Variants in PLD1 observed in about 807,000 individuals in gnomAD.
The protein encoded by PLD1 is phospholipase D1.
PLD1 carries 112 observed loss-of-function variants against 137.1 expected under a neutral mutation model. The ratio of observed to expected loss-of-function variants is 0.82; its 90% CI spans 0.70 to 0.96. The LOEUF is 0.96. Among genes scored for constraint, PLD1 ranks in the 40% least tolerant of loss-of-function variants. The pLI is 0.00. For missense variants in PLD1, 1,321 were observed against 1,342.0 expected, an observed-to-expected ratio of 0.98 and a Z score of 0.24; for synonymous variants, 431 against 454.7, an observed-to-expected ratio of 0.95 and a Z score of 0.66.
chr3:171,678,063 CA>C (rs1305378805), intron 16 of PLD1, among the ~76,000 whole-genome samples: 2 of 150,906 alleles, frequency 1.3e-5, no homozygotes, highest in African/African-American at 4.9e-5. Flanking sequence ...GGGGGGCTTT[CA>C]GGGGCAGAGT....
chr3:171,652,766 A>ATTTTTTTTTTTTT (rs1174564536), intron 21 of PLD1, among the ~76,000 whole-genome samples: 2 of 75,618 alleles, frequency 2.6e-5, no homozygotes, highest in Non-Finnish European at 2.4e-5. Context: ...ACACTCAGCT[A>ATTTTTTTTTTTTT]TTTTTTTTTT....
chr3:171,621,373 T>C lies in PLD1; in HGVS notation c.2594-853A>G, dbSNP rs2108297339. On this transcript the variant is annotated intron_variant, in intron 23 of 26. Coordinates refer to ENST00000351298, the MANE Select transcript of PLD1 (RefSeq NM_002662.5). ...AAGCAAGTCTGATACCAAGAATAAA[T>C]GGAGTGGAACCAAACTATCACAAAT... is the stretch of plus-strand genomic sequence containing the variant. Among the ~76,000 whole-genome samples, 4 of 152,252 alleles carry C rather than the reference T, an allele frequency of 2.6e-5. No individual in the cohort carries two copies. In the Middle Eastern group the frequency reaches 0.01, roughly 388 times the overall value.
intron 6 of PLD1, among the ~76,000 whole-genome samples, chr3:171,732,320 T>G (rs1173894346): frequency 6.6e-6 from 1 of 152,128 alleles, no homozygotes; most frequent in Non-Finnish European, 1.5e-5. Flanking sequence ...CAAATTCCTG[T>G]TTTCCTGAGA....
chr3:171,654,300 C>CAAAAAA (rs35731319), intron 21 of PLD1: 3 of 114,134 alleles, frequency 2.6e-5, no homozygotes, highest in Admixed American at 1.2e-4. Flanking sequence ...AAGACTGTCT[C>CAAAAAA]AAAAAAAAAA....
intron 6 of PLD1, among the ~76,000 whole-genome samples, chr3:171,729,122 G>A (rs1718744645): frequency 6.6e-6 from 1 of 152,168 alleles, no homozygotes; most frequent in Non-Finnish European, 1.5e-5. Flanking sequence ...TGATTCTCAG[G>A]AATAAGAATT....
At chr3:171,627,505 G>A (rs914487857) in intron 23 of PLD1, among the ~76,000 whole-genome samples, 98 of 152,016 alleles carry the variant, frequency 6.4e-4, no homozygotes, top group African/African-American at 2.1e-3. Context: ...TGCACCAAGC[G>A]GACCTAATAG....
chr3:171,604,004 A>G (rs1410674299), intron 26 of PLD1, among the ~76,000 whole-genome samples: 1 of 152,170 alleles, frequency 6.6e-6, no homozygotes, highest in African/African-American at 2.4e-5. Context: ...CACATGACCT[A>G]TTTGATCATG....
intron 18 of PLD1, among the ~76,000 whole-genome samples, chr3:171,676,244 T>C (rs1386825387): frequency 6.6e-6 from 1 of 152,156 alleles, no homozygotes; most frequent in South Asian, 2.1e-4. Context: ...TGGCCCCACC[T>C]TCTTAATACT....
chr3:171,644,448 T>C (rs553619238), intron 22 of PLD1, among the ~76,000 whole-genome samples: 2 of 152,160 alleles, frequency 1.3e-5, no homozygotes, highest in Non-Finnish European at 2.9e-5. Context: ...GAAAACAAAA[T>C]TCCGGGAATT....
intron 1 of PLD1, among the ~76,000 whole-genome samples, chr3:171,765,950 C>T (rs1040702745): frequency 4.6e-5 from 7 of 152,234 alleles, no homozygotes; most frequent in African/African-American, 1.7e-4. Flanking sequence ...GTTTAATTAG[C>T]TATAAAAACC....
intron 1 of PLD1, among the ~76,000 whole-genome samples, chr3:171,781,805 C>G (rs1437996147): frequency 6.6e-6 from 1 of 152,156 alleles, no homozygotes; most frequent in African/African-American, 2.4e-5. Context: ...AAACTACAAC[C>G]AGCTTAGAAA....
chr3:171,692,370 T>C lies in PLD1; in HGVS notation c.1300A>G (p.Thr434Ala). The C allele has an allele frequency of 6.3e-7, 1 of 1,587,890 alleles. No homozygotes were observed. The change falls in exon 13 of 27, where the codon ACC becomes GCC. Residue 434 changes from threonine to alanine, a missense_variant. Transcript: ENST00000351298. Reference sequence around the variant, plus strand: ...TGTAGACGCATCAAAGTCCTCTTGGTGTATTCACTATTGATGCCAAGAGCG... The same window carrying C: ...TGTAGACGCATCAAAGTCCTCTTGGCGTATTCACTATTGATGCCAAGAGCG... Reference protein sequence around the residue: ...ELALGINSEYTKRTLMRLHPN... With the variant: ...ELALGINSEYAKRTLMRLHPN...
intron 1 of PLD1, among the ~76,000 whole-genome samples, chr3:171,768,161 G>A (rs1722105202): frequency 6.6e-6 from 1 of 152,118 alleles, no homozygotes; most frequent in African/African-American, 2.4e-5. Flanking sequence ...GGGGAGCTCT[G>A]TGGTCAGATC....
intron 16 of PLD1, among the ~76,000 whole-genome samples, chr3:171,679,346 T>G (rs142359295): frequency 1.2e-3 from 179 of 152,306 alleles, no homozygotes; most frequent in Middle Eastern, 3.4e-3. Context: ...ATGTTAAAAA[T>G]AGACTTCTAT....
chr3:171,666,320 A>G (rs765767616), intron 19 of PLD1: 6 of 152,438 alleles, frequency 3.9e-5, no homozygotes, highest in Non-Finnish European at 2.9e-5. Context: ...GAAAAGGGAC[A>G]TCTTACATGG....
intron 1 of PLD1, among the ~76,000 whole-genome samples, chr3:171,770,268 C>A (rs1040363967): frequency 2.6e-5 from 4 of 152,152 alleles, no homozygotes; most frequent in African/African-American, 9.7e-5. Flanking sequence ...AAACTGAAGA[C>A]AAAATTCAAT....
intron 23 of PLD1, among the ~76,000 whole-genome samples, chr3:171,642,075 T>G (rs1735801769): frequency 6.6e-6 from 1 of 152,154 alleles, no homozygotes; most frequent in East Asian, 1.9e-4. Flanking sequence ...CACTATATGC[T>G]GAACCCATAG....
At chr3:171,694,557 CA>C (rs3050444) in intron 12 of PLD1, among the ~76,000 whole-genome samples, 29,613 of 133,666 alleles carry the variant, frequency 0.22, 2,884 homozygotes, top group South Asian at 0.27. Context: ...ATAATGGTTA[CA>C]AAAAAAAAAA....
intron 1 of PLD1, among the ~76,000 whole-genome samples, chr3:171,781,324 T>A (rs757905129): frequency 6.6e-6 from 1 of 151,886 alleles, no homozygotes; most frequent in Non-Finnish European, 1.5e-5. Context: ...AAAATTGAGA[T>A]GGATCATAGA....
Sources: allele counts gnomAD v4.1 joint callset (sites outside exome capture counted in the v4.1 genomes callset), GRCh38; gene constraint gnomAD v4.1.1; transcripts MANE v1.5; gene names NCBI Gene and HGNC (gene_info 2026-07-23, HGNC 2026-07-21).